NAV3: variants seen among roughly 807,000 people sequenced by gnomAD.
NAV3 encodes the protein neuron navigator 3.
NAV3 carries 87 observed loss-of-function variants against 244.7 expected under a neutral mutation model. The ratio of observed to expected loss-of-function variants is 0.36; its 90% confidence interval spans 0.30 to 0.42. NAV3 has a LOEUF of 0.42. Ranked by LOEUF, NAV3 falls within the 20% of genes least tolerant of loss-of-function variation. NAV3 has a pLI of 1.00. For missense variants in NAV3, 2,663 were observed against 2,893.3 expected (o/e 0.92, Z 1.83); for synonymous variants, 1,126 against 1,042.2 (o/e 1.08, Z -1.55).
At chr12:77,982,621 G>A (rs12427098) in intron 5 of NAV3, among the ~76,000 whole-genome samples, 37,443 of 152,026 alleles carry the variant, frequency 0.25, 4,914 homozygotes, top group South Asian at 0.33. Context: ...CTTTACAAAA[G>A]CATCCCACAA....
rs562475962 is a variant in NAV3, at chr12:78,137,371, C to T, written c.4630+6C>T. 84 of 1,599,684 alleles carry T rather than the reference C, an allele frequency of 5.3e-5. No individual in the cohort carries two copies. The highest frequency in any genetic ancestry group is 6.3e-5 in the Non-Finnish European group (74 of 1,174,750). On this transcript the variant is annotated splice_donor_region_variant and intron_variant, in intron 19 of 39. Coordinates refer to ENST00000397909, the MANE Select transcript of NAV3 (RefSeq NM_001024383.2). Reference sequence around the variant, plus strand: ...CAGAGACAGCATGGAAGAAGGTAAGCGTTGAGGGGGATTAAAGATGAAGTC... The same window carrying T: ...CAGAGACAGCATGGAAGAAGGTAAGTGTTGAGGGGGATTAAAGATGAAGTC...
intron 23 of NAV3, among the ~76,000 whole-genome samples, chr12:78,160,713 A>G (rs1443364291): frequency 6.6e-6 from 1 of 152,068 alleles, no homozygotes; most frequent in Non-Finnish European, 1.5e-5. Flanking sequence ...ATTGCCAAGT[A>G]TTATTAGCAC....
intron 2 of NAV3, among the ~76,000 whole-genome samples, chr12:77,612,196 T>C (rs1019700148): frequency 1.3e-5 from 2 of 152,110 alleles, no homozygotes; most frequent in Non-Finnish European, 2.9e-5. Context: ...TTATTTTAAA[T>C]ACACTGTACT....
At chr12:78,208,374 A>G (rs909799997) in intron 39 of NAV3, among the ~76,000 whole-genome samples, 6 of 152,272 alleles carry the variant, frequency 3.9e-5, no homozygotes, top group South Asian at 2.1e-4. Flanking sequence ...CACTGCCACA[A>G]TGGGGATAAA....
Position 77,817,296 on chromosome 12 carries a change from C to T in NAV3, c.73-123023C>T, listed in dbSNP as rs561235806. On this transcript the variant is annotated intron_variant, in intron 2 of 8. Coordinates refer to the NAV3 transcript ENST00000550042. The stretch of plus-strand genomic sequence containing the variant: ...GTTTTAGGTTTGGAATTGCCACACC[C>T]TCTGTAAGATTCACTTGTAATTTTA... Among the ~76,000 whole-genome samples, 13 of 152,264 alleles carry T rather than the reference C, an allele frequency of 8.5e-5. No homozygotes were observed. The East Asian group carries it at 2.5e-3, about 29-fold the overall frequency.
At chr12:78,086,771 C>T (rs1953658951) in intron 12 of NAV3, among the ~76,000 whole-genome samples, 1 of 152,030 alleles carries the variant, frequency 6.6e-6, no homozygotes. Context: ...TACAGATTCA[C>T]TTTGCATTTT....
chr12:78,149,111 AAT>A (rs1210868616), intron 22 of NAV3, among the ~76,000 whole-genome samples, 192 bp downstream of exon 22: 2 of 152,112 alleles, frequency 1.3e-5, no homozygotes, highest in African/African-American at 4.8e-5. Context: ...GAGAGGCAGC[AAT>A]ATGGTTAAAA....
chr12:77,766,723 A>AG (rs1869773655), intron 2 of NAV3, among the ~76,000 whole-genome samples: 1 of 129,280 alleles, frequency 7.7e-6, no homozygotes, highest in African/African-American at 2.7e-5. Flanking sequence ...ATTCTAAAAA[A>AG]CAGGCAATTA....
At chr12:78,037,998 A>G (rs189277415) in intron 9 of NAV3, among the ~76,000 whole-genome samples, 6 of 152,302 alleles carry the variant, frequency 3.9e-5, no homozygotes, top group African/African-American at 1.4e-4. Context: ...TGTGCACATT[A>G]TAAGTATTTA....
intron 5 of NAV3, among the ~76,000 whole-genome samples, chr12:77,971,723 T>C (rs1893012916): frequency 6.6e-6 from 1 of 152,100 alleles, no homozygotes; most frequent in Non-Finnish European, 1.5e-5. Context: ...GATTTCAAAG[T>C]TCTTTCCAAG....
At chr12:77,908,466 G>A (rs773056236) in intron 1 of NAV3, among the ~76,000 whole-genome samples, 8 of 151,878 alleles carry the variant, frequency 5.3e-5, no homozygotes, top group Non-Finnish European at 1.2e-4. Context: ...GTGCTTTCTA[G>A]AAGGAGAAAA....
At chr12:77,957,842 T>C (rs1891513093) in intron 3 of NAV3, among the ~76,000 whole-genome samples, 1 of 152,022 alleles carries the variant, frequency 6.6e-6, no homozygotes, top group South Asian at 2.1e-4. Flanking sequence ...AATTTTTGTA[T>C]TTTTAGTAGA....
chr12:78,040,881 T>G (rs1163569765), intron 9 of NAV3, among the ~76,000 whole-genome samples: 1 of 152,230 alleles, frequency 6.6e-6, no homozygotes, highest in Non-Finnish European at 1.5e-5. Flanking sequence ...TTGACCCAGT[T>G]TGAATAAATT....
chr12:77,646,721 A>G (rs1388309175), intron 2 of NAV3, among the ~76,000 whole-genome samples: 2 of 152,032 alleles, frequency 1.3e-5, no homozygotes, highest in African/African-American at 4.8e-5. Flanking sequence ...GGTGTGCAGG[A>G]TAGGAGGGTC....
chr12:77,811,437 G>A (rs761558310), intron 2 of NAV3, among the ~76,000 whole-genome samples: 20 of 152,070 alleles, frequency 1.3e-4, no homozygotes, highest in South Asian at 2.1e-4. Flanking sequence ...TCAAGTCTCC[G>A]TCAAATTATT....
intron 3 of NAV3, among the ~76,000 whole-genome samples, chr12:77,949,328 G>A (rs540401348): frequency 3.9e-5 from 6 of 152,130 alleles, no homozygotes; most frequent in African/African-American, 1.2e-4. Flanking sequence ...ATGGAACTGC[G>A]TCTCATTGAG....
chr12:77,842,627 A>T (rs1483315784), intron 1 of NAV3, among the ~76,000 whole-genome samples: 1 of 150,794 alleles, frequency 6.6e-6, no homozygotes, highest in Non-Finnish European at 1.5e-5. Context: ...CTTGGCTTGG[A>T]GGTATTGTGA....
At chr12:77,812,654 TCTG>T (rs1426635492) in intron 2 of NAV3, among the ~76,000 whole-genome samples, 1 of 151,812 alleles carries the variant, frequency 6.6e-6, no homozygotes, top group Non-Finnish European at 1.5e-5. Flanking sequence ...ACCTAGGTGA[TCTG>T]CTCACCTAGG....
chr12:78,198,814 A>G (rs1959277692), intron 36 of NAV3, 138 bp downstream of exon 36: 2 of 635,294 alleles, frequency 3.1e-6, no homozygotes, highest in South Asian at 2.1e-5. Context: ...ATCTTGCCAG[A>G]GATGACCTGT....
Sources: allele counts gnomAD v4.1 joint callset (sites outside exome capture counted in the v4.1 genomes callset), GRCh38; gene constraint gnomAD v4.1.1; transcripts MANE v1.5; gene names NCBI Gene and HGNC (gene_info 2026-07-23, HGNC 2026-07-21).